APC2: variants seen among roughly 807,000 people sequenced by gnomAD.
APC2 encodes the protein APC regulator of Wnt signaling pathway 2.
Under a neutral mutation model 72.5 loss-of-function variants are expected in APC2, and 41 were observed. The observed-to-expected ratio is 0.57, with a 90% confidence interval of 0.44 to 0.73. APC2 has a LOEUF of 0.73. APC2 is among the 30% of genes least tolerant of loss of function. The pLI, the probability that APC2 is intolerant of heterozygous loss-of-function variation, is 0.00. For synonymous variants in APC2, 1,898 were observed against 1,612.0 expected (o/e 1.18, Z -4.25); for missense variants, 3,729 against 3,403.4 (o/e 1.10, Z -2.38).
At chr19:1,465,117 TG>T (rs780972128) in intron 14 of APC2, 37 bp from the exon 15 acceptor site, 6 of 1,564,904 alleles carry the variant, frequency 3.8e-6, no homozygotes, top group South Asian at 2.3e-5. Context: ...CAGGGGAGGG[TG>T]GGGGGTGGCC....
Position 1,465,819 on chromosome 19 carries a change from G to A in APC2, c.2518G>A (p.Ala840Thr), listed in dbSNP as rs747834263. 1 of 1,580,108 alleles carries A rather than the reference G, an allele frequency of 6.3e-7. No homozygotes were observed. Among genetic ancestry groups the A allele is most frequent in the Non-Finnish European group, 8.6e-7 (1 of 1,164,322 alleles). ...GGACACCAGTGGGGAGGCAGCCGTG[G>A]CGGCCAAGGCCAAGGCCAAGCTGGC... ...EKDTSGEAAV[A>T]AKAKAKLALA... Residue 840 changes from alanine (A) to threonine (T), a missense_variant, in exon 15 of 15, where the codon GCG (alanine) becomes ACG (threonine). Coordinates refer to ENST00000590469, the MANE Select transcript of APC2 (RefSeq NM_005883.3).
At position 1,467,123 on chromosome 19, in the gene APC2, C is replaced by T. The variant is rs770682666; in HGVS notation, c.3822C>T (p.Cys1274=). 5 of 1,590,238 alleles carry T rather than the reference C, an allele frequency of 3.1e-6. No homozygotes were observed. The highest frequency in any genetic ancestry group is 4.3e-6 in the Non-Finnish European group (5 of 1,167,406). ...TVEKPDENFS[C]ASSLSALALH... ...AGAAGCCAGACGAGAACTTCTCGTG[C>T]GCCTCCAGCCTCAGCGCGCTGGCCT... The change falls in exon 15 of 15, where the codon TGC becomes TGT. Residue 1274 remains cysteine, a synonymous_variant. Coordinates refer to ENST00000590469, the MANE Select transcript of APC2 (RefSeq NM_005883.3).
At chr19:1,448,863 A>AAG (rs1555788617), upstream of APC2, among the ~76,000 whole-genome samples, 20 of 149,882 alleles carry the variant, frequency 1.3e-4, no homozygotes, top group African/African-American at 5.0e-4. Flanking sequence ...AAAAAGAAAA[A>AAG]AAAGAAAAAG....
rs767290310 is a variant in APC2, at chr19:1,468,818, G to A, written c.5517G>A (p.Arg1839=). ...PAKVPSPGQQ[R]SRSLHRPAKT... ...AAGTCCCGAGCCCCGGGCAGCAGCGGTCGCGGAGCCTACACCGGCCTGCCA... is the reference window on the plus strand; with the variant it reads ...AAGTCCCGAGCCCCGGGCAGCAGCGATCGCGGAGCCTACACCGGCCTGCCA... The change falls in exon 15 of 15, where the codon CGG becomes CGA. Residue 1839 remains arginine, a synonymous_variant. Coordinates refer to ENST00000590469, the MANE Select transcript of APC2 (RefSeq NM_005883.3). 1.3e-6 allele frequency: 2 copies of A among 1,542,976 alleles called. No homozygotes were observed. Among genetic ancestry groups the A allele is most frequent in the South Asian group, 1.2e-5 (1 of 85,018 alleles).
chr19:1,462,215 C>G, intron 14 of APC2, 38 bp downstream of exon 14: 1 of 1,497,280 alleles, frequency 6.7e-7, no homozygotes, highest in Non-Finnish European at 8.9e-7. Context: ...CAGGCAGCTG[C>G]GCTCGGGGCG....
At position 1,456,398 on chromosome 19, in the gene APC2, C is replaced by T. The variant is rs753146427; in HGVS notation, c.810C>T (p.Asn270=). 7 of 1,600,768 alleles carry T rather than the reference C, an allele frequency of 4.4e-6. No individual in the cohort carries two copies. Among genetic ancestry groups the T allele is most frequent in the Non-Finnish European group, 6.0e-6 (7 of 1,174,730 alleles). ...HPEDGTPQPG[N]SKVEVVFWLL... ...AGGATGGCACCCCTCAGCCGGGCAA[C>T]AGCAAGGTGAGGGGGAGGGTGAAAC... The change falls in exon 8 of 15, where the codon AAC becomes AAT. Residue 270 remains asparagine (N), a synonymous_variant. Transcript: ENST00000590469.
In APC2 at chr19:1,457,029, C is replaced by T. The variant is rs531286394; in HGVS notation, c.993C>T (p.Arg331=). 3.8e-5 allele frequency: 58 copies of T among 1,527,192 alleles called. No homozygotes were observed. Among genetic ancestry groups the T allele is most frequent in the Non-Finnish European group, 5.0e-5 (57 of 1,143,652 alleles). The allele number at this position is 1,527,192 out of a possible 1,614,324, so 94.6% of individuals were successfully genotyped here. A position where few individuals can be genotyped will look rare whatever the true frequency, so the allele number is the denominator to read the frequency against. The change falls in exon 9 of 15, where the codon CGC becomes CGT. Residue 331 remains arginine (R), a synonymous_variant. Coordinates refer to ENST00000590469, the MANE Select transcript of APC2 (RefSeq NM_005883.3). ...LHGTEAAAGG[R]AGAPGAPGAK... ...GCACCGAGGCCGCGGCCGGGGGTCG[C>T]GCCGGGGCCCCAGGGGCACCGGGCG...
At chr19:1,454,563 C>CTTTTCTTTTTTTTTTTTT (rs1569140915) in intron 4 of APC2, among the ~76,000 whole-genome samples, 15 of 116,128 alleles carry the variant, frequency 1.3e-4, no homozygotes, top group Non-Finnish European at 1.9e-4. Context: ...ATCTTTTGTA[C>CTTTTCTTTTTTTTTTTTT]TTTTTTTTTT....
Position 1,469,560 on chromosome 19 carries a change from C to A in APC2, c.6259C>A (p.Arg2087Ser), listed in dbSNP as rs1483808538. ...CGAGAGCCCGTCCCGCCTGCCTGTGCGCGCGCCCGCCGCCCGGCCGGAGAC... is the reference window on the plus strand; with the variant it reads ...CGAGAGCCCGTCCCGCCTGCCTGTGAGCGCGCCCGCCGCCCGGCCGGAGAC... Reference protein sequence around the residue: ...TSESPSRLPVRAPAARPETVK... With the variant: ...TSESPSRLPVSAPAARPETVK... The change falls in exon 15 of 15, where the codon CGC (arginine) becomes AGC (serine). Residue 2087 changes from arginine (R) to serine (S), a missense_variant. Coordinates refer to ENST00000590469, the MANE Select transcript of APC2 (RefSeq NM_005883.3). The A allele has an allele frequency of 1.6e-6, 2 of 1,233,466 alleles. No individual in the cohort carries two copies. Among genetic ancestry groups the A allele is most frequent in the Admixed American group, 3.1e-5 (1 of 32,360 alleles). The allele number at this position is 1,233,466 out of a possible 1,614,324, so 76.4% of individuals were successfully genotyped here.
rs2084079105 is a variant in APC2 at position 1,468,923 on chromosome 19, C to T, written c.5622C>T (p.Ser1874=). The stretch of plus-strand genomic sequence containing the variant: ...CCCGCCTCGCCAAGACCCCCTCCTC[C>T]AGCTCCTCCCAGACCTCGCCCGCCT... ...PPARLAKTPS[S]SSSQTSPASQ... Residue 1874 remains serine, a synonymous_variant, in exon 15 of 15, where the codon TCC becomes TCT. Coordinates refer to ENST00000590469, the MANE Select transcript of APC2 (RefSeq NM_005883.3). 6.5e-7 allele frequency: 1 copy of T among 1,535,722 alleles called. No homozygotes were observed. Among genetic ancestry groups the T allele is most frequent in the Non-Finnish European group, 8.7e-7 (1 of 1,148,344 alleles).
intron 9 of APC2, chr19:1,457,656 C>A (rs2083856371): frequency 3.8e-6 from 2 of 522,496 alleles, no homozygotes; most frequent in South Asian, 2.1e-5. Context: ...TGAGATCATG[C>A]TACTGCACTC....
At position 1,471,294 on chromosome 19, in the gene APC2, G is replaced by C. The variant is rs1209980615; in HGVS notation, c.*1081G>C. 6.6e-6 allele frequency: 1 copy of C among 152,364 alleles called. No homozygotes were observed. Among genetic ancestry groups the C allele is most frequent in the African/African-American group, 2.4e-5 (1 of 41,458 alleles). The allele number at this position is 152,364 out of a possible 1,614,324, so 9.4% of individuals were successfully genotyped here. On this transcript the variant is annotated 3_prime_UTR_variant, in exon 15 of 15. Coordinates refer to ENST00000590469, the MANE Select transcript of APC2 (RefSeq NM_005883.3). ...CCTTCTGGTTCATGATGCATAAAGC[G>C]CTAGGCCCTAGAACTCCAGAAACAG... is the stretch of plus-strand genomic sequence containing the variant.
intron 14 of APC2, among the ~76,000 whole-genome samples, chr19:1,463,148 G>A (rs1238083705): frequency 2.0e-5 from 3 of 151,382 alleles, no homozygotes; most frequent in South Asian, 4.2e-4. Context: ...TGGGCCGGGC[G>A]TGGTGGCTCA....
rs1226794809 is a variant in APC2 at position 1,469,321 on chromosome 19, G to A, written c.6020G>A (p.Arg2007His). 3 of 1,409,836 alleles carry A rather than the reference G, an allele frequency of 2.1e-6. No homozygotes were observed. Among genetic ancestry groups the A allele is most frequent in the East Asian group, 3.5e-5 (1 of 28,846 alleles). The allele number at this position is 1,409,836 out of a possible 1,614,324, so 87.3% of individuals were successfully genotyped here. A position where few individuals can be genotyped will look rare whatever the true frequency, so the allele number is the denominator to read the frequency against. ...AAGGAGTCGCCGGGCTTGCGGCGCC[G>A]CCGCTCCGAGCTGTCCTCGGCCGAG... ...FIKESPGLRR[R>H]RSELSSAESA... The change falls in exon 15 of 15, where the codon CGC (arginine) becomes CAC (histidine). Residue 2007 changes from arginine (R) to histidine (H), a missense_variant. Physicochemically the swap from Arg to His is conservative, Grantham distance 29. Transcript: ENST00000590469.
In APC2 at chr19:1,461,972, C is replaced by G. The variant is rs1451605837; in HGVS notation, c.1648C>G (p.Leu550Val). 2.5e-6 allele frequency: 4 copies of G among 1,611,676 alleles called. No homozygotes were observed. The highest frequency in any genetic ancestry group is 3.4e-6 in the Non-Finnish European group (4 of 1,178,900). ...CCCGCCCCTCGTCCAGGAGTCCACC[C>G]TGAAGAGCGTGCTGAGCGCCCTGTG... ...CVLRATKEST[L>V]KSVLSALWNL... The change falls in exon 14 of 15, where the codon CTG (leucine) becomes GTG (valine). Residue 550 changes from leucine to valine, a missense_variant. Physicochemically the swap from Leu to Val is conservative, Grantham distance 32 (BLOSUM62 1). Transcript: ENST00000590469.
At position 1,468,943 on chromosome 19, in the gene APC2, C is replaced by A; in HGVS notation, c.5642C>A (p.Pro1881His). 1 of 1,544,240 alleles carries A rather than the reference C, an allele frequency of 6.5e-7. No individual in the cohort carries two copies. The highest frequency in any genetic ancestry group is 1.2e-5 in the South Asian group (1 of 83,772). ...TCCTCCAGCTCCTCCCAGACCTCGC[C>A]CGCCTCCCAGCCCCTGCCCAGAAAG... ...TPSSSSSQTSPASQPLPRKRP... is the reference protein window; with the variant it reads ...TPSSSSSQTSHASQPLPRKRP... Residue 1881 changes from proline (P) to histidine (H), a missense_variant, in exon 15 of 15, where the codon CCC (proline) becomes CAC (histidine). Transcript: ENST00000590469.
upstream of APC2, chr19:1,446,408 C>T: frequency 1.0e-6 from 1 of 976,694 alleles, no homozygotes; most frequent in Non-Finnish European, 1.2e-6. The surrounding 1 kb of genome is among the most constrained non-coding windows in gnomAD (Gnocchi z 6.1). Context: ...GGGGTCCACA[C>T]CGCGGGAACA....
chr19:1,460,753 T>A, intron 11 of APC2, 27 bp from the exon 12 acceptor site: 6 of 1,607,444 alleles, frequency 3.7e-6, no homozygotes, highest in Non-Finnish European at 5.1e-6. Context: ...CCCAACCCCG[T>A]GACCCCGGCT....
chr19:1,448,460 C>A (rs1049169223), upstream of APC2, among the ~76,000 whole-genome samples: 10 of 150,552 alleles, frequency 6.6e-5, no homozygotes, highest in African/African-American at 2.2e-4. Flanking sequence ...GCAGGAGAAT[C>A]ACTTGAACCC....
Sources: allele counts gnomAD v4.1 joint callset (sites outside exome capture counted in the v4.1 genomes callset), GRCh38; gene constraint gnomAD v4.1.1; non-coding constraint Gnocchi (gnomAD v3.1); transcripts MANE v1.5; gene names NCBI Gene and HGNC (gene_info 2026-07-23, HGNC 2026-07-21).